Variants in KLHL8 observed in about 807,000 individuals in gnomAD.
The protein encoded by KLHL8 is kelch-like protein 8.
KLHL8 carries 38 observed loss-of-function variants against 63.5 expected under a neutral mutation model. The ratio of observed to expected loss-of-function variants is 0.60; its 90% CI spans 0.46 to 0.78. KLHL8 has a LOEUF of 0.78. KLHL8 is among the 30% of genes least tolerant of loss of function. The probability of loss-of-function intolerance (pLI) is 0.00; values close to 1 mark genes in which losing one functional copy is unlikely to be tolerated. For missense variants in KLHL8, 566 were observed against 752.4 expected (o/e 0.75, Z 2.90); for synonymous variants, 224 against 254.3 (o/e 0.88, Z 1.13).
At chr4:87,189,508 A>G (rs77193413) in intron 2 of KLHL8, among the ~76,000 whole-genome samples, 2 of 152,230 alleles carry the variant, frequency 1.3e-5, no homozygotes, top group Non-Finnish European at 2.9e-5. Context: ...GAATGGAAAT[A>G]CAATGAAAAT....
At chr4:87,226,152 T>C (rs1238709390) in intron 1 of KLHL8, among the ~76,000 whole-genome samples, 1 of 152,242 alleles carries the variant, frequency 6.6e-6, no homozygotes, top group Admixed American at 6.5e-5. Flanking sequence ...CTGAGCAAAA[T>C]TGTATCCATA....
rs1325592585 is a variant in KLHL8 at position 87,160,751 on chromosome 4, T to C, written c.*2768A>G. On this transcript the variant is annotated 3_prime_UTR_variant, in exon 10 of 10. Transcript: ENST00000273963. ...ATCACAAAGCACCTAGAAATATTTATTGAAGAAATAATAAACAAATTTTCA... is the reference window on the plus strand; with the variant it reads ...ATCACAAAGCACCTAGAAATATTTACTGAAGAAATAATAAACAAATTTTCA... 4 of 152,216 alleles carry C rather than the reference T, an allele frequency of 2.6e-5. No homozygotes were observed. The highest frequency in any genetic ancestry group is 4.1e-4 in the South Asian group (2 of 4,834). 9.4% of individuals were successfully genotyped at this position (152,216 alleles called of 1,614,324 possible).
At chr4:87,165,383 G>GT (rs1298403261) in intron 8 of KLHL8, among the ~76,000 whole-genome samples, 2 of 151,654 alleles carry the variant, frequency 1.3e-5, no homozygotes, top group Non-Finnish European at 2.9e-5. Context: ...TAGATTAAGG[G>GT]TTTTTTTAAA....
intron 4 of KLHL8, among the ~76,000 whole-genome samples, chr4:87,182,065 A>C (rs1374936220): frequency 6.6e-6 from 1 of 151,858 alleles, no homozygotes; most frequent in Non-Finnish European, 1.5e-5. Context: ...CGTCTCTACT[A>C]AAAATACAAA....
At chr4:87,226,960 A>C (rs369699353) in intron 1 of KLHL8, among the ~76,000 whole-genome samples, 1,457 of 75,506 alleles carry the variant, frequency 0.019, 93 homozygotes, top group Non-Finnish European at 0.032. Flanking sequence ...TATATAAGTA[A>C]TATATATTAT....
intron 1 of KLHL8, among the ~76,000 whole-genome samples, chr4:87,202,138 T>G (rs1279334022): frequency 6.6e-6 from 1 of 150,954 alleles, no homozygotes; most frequent in Non-Finnish European, 1.5e-5. Context: ...TAAATCAATA[T>G]TCTAAGCCTT....
intron 8 of KLHL8, chr4:87,167,160 GAAGA>G (rs1730435151): frequency 2.0e-6 from 1 of 509,800 alleles, no homozygotes; most frequent in Admixed American, 2.3e-5. Flanking sequence ...ATTTGTCGCA[GAAGA>G]AAGGAAACAT....
intron 5 of KLHL8, 129 bp downstream of exon 5, chr4:87,178,348 A>G: frequency 2.0e-6 from 2 of 999,252 alleles, no homozygotes; most frequent in Non-Finnish European, 2.8e-6. Context: ...AATTATCACT[A>G]ACCAAGCATT....
intron 1 of KLHL8, among the ~76,000 whole-genome samples, chr4:87,199,315 C>T (rs1398894191): frequency 6.6e-6 from 1 of 152,028 alleles, no homozygotes; most frequent in Non-Finnish European, 1.5e-5. Context: ...CACCTTACAC[C>T]ATATACAAAA....
At position 87,163,947 on chromosome 4, in the gene KLHL8, A is replaced by C. The variant is rs61734702; in HGVS notation, c.1670T>G (p.Phe557Cys). 1 of 1,614,196 alleles carries C rather than the reference A, an allele frequency of 6.2e-7. No homozygotes were observed. The highest frequency in any genetic ancestry group is 8.5e-7 in the Non-Finnish European group (1 of 1,180,038). ...ATTGCCATTATGACCACCAACTGCA[A>C]AGATTTTGCCCATCACTGTTGCGAT... ...VGIATVMGKIFAVGGHNGNAY... is the reference protein window; with the variant it reads ...VGIATVMGKICAVGGHNGNAY... The change falls in exon 9 of 10, where the codon TTT becomes TGT. Residue 557 changes from phenylalanine to cysteine, a missense_variant. Phe to Cys is a radical substitution (Grantham distance 205). Transcript: ENST00000273963.
chr4:87,224,503 C>T (rs1441359382), upstream of KLHL8, among the ~76,000 whole-genome samples: 1 of 152,150 alleles, frequency 6.6e-6, no homozygotes, highest in Non-Finnish European at 1.5e-5. Context: ...AACCAGAGAG[C>T]AGGTCCCAGA....
intron 1 of KLHL8, among the ~76,000 whole-genome samples, chr4:87,233,165 C>T (rs189340087): frequency 5.3e-5 from 8 of 152,048 alleles, no homozygotes; most frequent in Admixed American, 1.3e-4. Flanking sequence ...CTCAGCCTCC[C>T]GAGTAGCTGG....
chr4:87,184,053 G>A (rs1731157510), intron 3 of KLHL8, among the ~76,000 whole-genome samples: 1 of 152,138 alleles, frequency 6.6e-6, no homozygotes, highest in Non-Finnish European at 1.5e-5. Context: ...CACGTAAGGG[G>A]TTGAGTCCAG....
At chr4:87,204,665 CTGGATG>C (rs895821025) in intron 1 of KLHL8, among the ~76,000 whole-genome samples, 4 of 152,190 alleles carry the variant, frequency 2.6e-5, no homozygotes, top group Non-Finnish European at 5.9e-5. Context: ...ATGCAACAAC[CTGGATG>C]AATCTCAATG....
intron 2 of KLHL8, among the ~76,000 whole-genome samples, chr4:87,189,614 T>TTTTCAA (rs568266793): frequency 6.9e-4 from 105 of 152,070 alleles, no homozygotes; most frequent in Non-Finnish European, 1.2e-3. Context: ...TGCCACTTGC[T>TTTTCAA]CGAGCCCGCT....
chr4:87,186,744 T>C (rs1009767714), intron 2 of KLHL8, among the ~76,000 whole-genome samples: 1 of 152,112 alleles, frequency 6.6e-6, no homozygotes, highest in Non-Finnish European at 1.5e-5. Flanking sequence ...CCTCCCAAAG[T>C]GCTAGGATTA....
intron 1 of KLHL8, among the ~76,000 whole-genome samples, chr4:87,226,706 TAA>T (rs372523893): frequency 0.6 from 12,645 of 21,150 alleles, 6,066 homozygotes; most frequent in Middle Eastern, 0.86. Context: ...TATTTATATA[TAA>T]TATATATTAT....
chr4:87,208,161 T>C, intron 1 of KLHL8: 1 of 383,830 alleles, frequency 2.6e-6, no homozygotes, highest in South Asian at 2.0e-5. Flanking sequence ...GGGGAGTCCC[T>C]GCCACACTCA....
intron 1 of KLHL8, among the ~76,000 whole-genome samples, 180 bp from the exon 2 acceptor site, chr4:87,195,870 T>A (rs1396250552): frequency 6.6e-6 from 1 of 152,196 alleles, no homozygotes; most frequent in African/African-American, 2.4e-5. Context: ...TTTATATCAA[T>A]AAAGGAACTC....
Sources: gnomAD v4.1 joint callset for allele counts (sites outside exome capture counted in the v4.1 genomes callset) on GRCh38, gnomAD v4.1.1 for gene constraint, MANE v1.5 for transcripts, NCBI Gene and HGNC (gene_info 2026-07-23, HGNC 2026-07-21) for gene names.